TPRG1: variants seen among roughly 807,000 people sequenced by gnomAD.
TPRG1 encodes tumor protein p63 regulated 1.
In TPRG1, 29 loss-of-function variants were observed where a neutral mutation model predicts 29.3. The ratio of observed to expected loss-of-function variants is 0.99; its 90% CI spans 0.74 to 1.35. The LOEUF is 1.35. Ranked by LOEUF, TPRG1 falls within the 40% of genes most tolerant of loss-of-function variation. The pLI, the probability that TPRG1 is intolerant of heterozygous loss-of-function variation, is 0.00. For synonymous variants in TPRG1, 130 were observed against 116.8 expected (o/e 1.11, Z -0.73); for missense variants, 327 against 335.0 (o/e 0.98, Z 0.19).
intron 3 of TPRG1, among the ~76,000 whole-genome samples, chr3:189,021,444 C>T (rs986297528): frequency 8.6e-5 from 13 of 151,954 alleles, no homozygotes; most frequent in African/African-American, 2.2e-4. Flanking sequence ...CAAAATCTCT[C>T]GGCATTTGCT....
Position 189,303,058 on chromosome 3 carries a change from A to C in TPRG1, c.480-7328A>C, listed in dbSNP as rs138731996. Among the ~76,000 whole-genome samples the C allele has an allele frequency of 8.5e-5, 13 of 152,306 alleles. No homozygotes were observed. The East Asian group carries it at 2.5e-3, about 29-fold the overall frequency. ...TCTTCATATACAACAGCTGGCTTTC[A>C]TAAAGGGAAGCAGTATAGGAAAGTA... On this transcript the variant is annotated intron_variant, in intron 4 of 5. Coordinates refer to ENST00000345063, the MANE Select transcript of TPRG1 (RefSeq NM_198485.4).
chr3:189,271,776 G>A (rs1715172764), intron 4 of TPRG1, among the ~76,000 whole-genome samples: 1 of 152,154 alleles, frequency 6.6e-6, no homozygotes, highest in Non-Finnish European at 1.5e-5. Context: ...GATCTTTTGG[G>A]GAAAAGCATG....
At chr3:189,221,608 G>A (rs1418503309) in intron 3 of TPRG1, among the ~76,000 whole-genome samples, 1 of 152,210 alleles carries the variant, frequency 6.6e-6, no homozygotes, top group Non-Finnish European at 1.5e-5. Flanking sequence ...TTCTGCAGAA[G>A]AAAGGGCTCT....
At chr3:189,166,922 T>C (rs1560506996) in intron 5 of TPRG1, among the ~76,000 whole-genome samples, 4 of 152,208 alleles carry the variant, frequency 2.6e-5, no homozygotes, top group Admixed American at 6.5e-5. Flanking sequence ...GGGACTCTTA[T>C]TTGTGTGACA....
intron 3 of TPRG1, among the ~76,000 whole-genome samples, chr3:189,137,296 A>ATGTGTGTGTGTG (rs10525363): frequency 2.9e-4 from 38 of 129,902 alleles, no homozygotes; most frequent in Non-Finnish European, 4.8e-4. Flanking sequence ...AAACCCCAAA[A>ATGTGTGTGTGTG]TGTGTGTGTG....
chr3:189,200,468 G>A (rs2108776053), intron 1 of TPRG1, among the ~76,000 whole-genome samples: 1 of 152,204 alleles, frequency 6.6e-6, no homozygotes, highest in African/African-American at 2.4e-5. Flanking sequence ...TTTTATTTTG[G>A]GTATATGCCT....
At chr3:189,245,217 C>T (rs776315301) in intron 4 of TPRG1, among the ~76,000 whole-genome samples, 19 of 152,188 alleles carry the variant, frequency 1.2e-4, no homozygotes, top group Non-Finnish European at 2.4e-4. Context: ...CCACTGCGCC[C>T]GGTTCATTTC....
At chr3:189,035,846 G>A (rs849006) in intron 4 of TPRG1, among the ~76,000 whole-genome samples, 128,780 of 152,076 alleles carry the variant, frequency 0.85, 56,494 homozygotes, top group Non-Finnish European at 0.95. Context: ...TGCATCTAGC[G>A]TGGAAAGTAG....
At chr3:189,052,719 A>G (rs1372513802) in intron 4 of TPRG1, among the ~76,000 whole-genome samples, 2 of 152,214 alleles carry the variant, frequency 1.3e-5, no homozygotes, top group African/African-American at 4.8e-5. Flanking sequence ...GAGTGGATAA[A>G]GAAACTATTA....
intron 4 of TPRG1, among the ~76,000 whole-genome samples, chr3:189,269,736 TA>T (rs1220240497): frequency 1.3e-5 from 2 of 152,270 alleles, no homozygotes; most frequent in Non-Finnish European, 2.9e-5. Flanking sequence ...GCGTTTGCTT[TA>T]ATCTCCCTCA....
Position 189,320,697 on chromosome 3 carries a change from A to G in TPRG1, c.705A>G (p.Arg235=). The G allele has an allele frequency of 6.2e-7, 1 of 1,612,864 alleles. No homozygotes were observed. The highest frequency in any genetic ancestry group is 8.5e-7 in the Non-Finnish European group (1 of 1,179,356). Reference sequence around the variant, plus strand: ...ACAAGAATTCAACTGGATCTGGAAGAGGAAAGAAACTGATGGTGTTAACTG... The same window carrying G: ...ACAAGAATTCAACTGGATCTGGAAGGGGAAAGAAACTGATGGTGTTAACTG... ...NAHKNSTGSG[R]GKKLMVLTEP... Residue 235 remains arginine, a synonymous_variant, in exon 6 of 6, where the codon AGA becomes AGG. Transcript: ENST00000345063.
chr3:189,173,840 T>G (rs1729143676), intron 1 of TPRG1, among the ~76,000 whole-genome samples: 1 of 151,946 alleles, frequency 6.6e-6, no homozygotes, highest in Non-Finnish European at 1.5e-5. Flanking sequence ...CAATTAAGAG[T>G]TTTAGGGCAC....
At chr3:189,203,684 A>G (rs6444361) in intron 1 of TPRG1, among the ~76,000 whole-genome samples, 77,542 of 152,034 alleles carry the variant, frequency 0.51, 19,953 homozygotes, top group South Asian at 0.63. Context: ...ATATTGTAGC[A>G]TTTTGCTTCT....
intron 4 of TPRG1, among the ~76,000 whole-genome samples, chr3:189,041,261 C>A (rs1332009475): frequency 1.3e-5 from 2 of 152,296 alleles, no homozygotes; most frequent in Admixed American, 1.3e-4. Context: ...TCTCATGTAG[C>A]ATGGTCATTG....
intron 1 of TPRG1, among the ~76,000 whole-genome samples, chr3:189,204,947 T>TCACACACACACA (rs35018569): frequency 0.016 from 2,426 of 147,130 alleles, 37 homozygotes; most frequent in South Asian, 0.047. Context: ...TCTCTCTCTC[T>TCACACACACACA]CACACACACA....
intron 4 of TPRG1, among the ~76,000 whole-genome samples, chr3:189,053,985 C>G (rs1434511368): frequency 6.6e-6 from 1 of 152,182 alleles, no homozygotes; most frequent in Non-Finnish European, 1.5e-5. Context: ...CAATTTCCTT[C>G]AAGATTTTTT....
chr3:189,128,000 G>C (rs1438534447), intron 2 of TPRG1, among the ~76,000 whole-genome samples: 1 of 152,094 alleles, frequency 6.6e-6, no homozygotes, highest in Admixed American at 6.6e-5. Context: ...TAGTCTACCA[G>C]GACCATCTTA....
intron 3 of TPRG1, among the ~76,000 whole-genome samples, chr3:189,022,781 G>T (rs1480366364): frequency 6.6e-6 from 1 of 152,226 alleles, no homozygotes; most frequent in Non-Finnish European, 1.5e-5. Flanking sequence ...CGGCTGCTTT[G>T]TTTACCTAAT....
rs1012512277 is a variant in TPRG1, at chr3:189,205,173, G to T, written c.-9-2203G>T. On this transcript the variant is annotated intron_variant, in intron 1 of 5. Transcript: ENST00000345063. ...CGACTATTCAAGTGTGACCCTGGGT[G>T]GTTCCCATCTACTCTGTGTTCCTCA... Among the ~76,000 whole-genome samples the T allele has an allele frequency of 3.9e-5, 6 of 152,184 alleles. No individual in the cohort carries two copies. The East Asian group carries it at 1.2e-3, about 29-fold the overall frequency.
Sources: gnomAD v4.1 joint callset for allele counts (sites outside exome capture counted in the v4.1 genomes callset) on GRCh38, gnomAD v4.1.1 for gene constraint, MANE v1.5 for transcripts, NCBI Gene and HGNC (gene_info 2026-07-23, HGNC 2026-07-21) for gene names.